NRXN3: variants seen among roughly 807,000 people sequenced by gnomAD.
NRXN3 encodes neurexin 3.
NRXN3 carries 32 observed loss-of-function variants against 137.6 expected under a neutral mutation model. The observed-to-expected ratio is 0.23, with a 90% CI of 0.18 to 0.31. The LOEUF (loss-of-function observed/expected upper bound fraction) is 0.31. Among genes scored for constraint, NRXN3 ranks in the 10% least tolerant of loss-of-function variants. The probability of loss-of-function intolerance (pLI) is 1.00; values close to 1 mark genes in which losing one functional copy is unlikely to be tolerated. For synonymous variants in NRXN3, 798 were observed against 784.5 expected (o/e 1.02, Z -0.29); for missense variants, 1,574 against 2,062.5 (o/e 0.76, Z 4.59).
At chr14:79,323,874 A>G (rs2090455454) in intron 15 of NRXN3, among the ~76,000 whole-genome samples, 1 of 152,196 alleles carries the variant, frequency 6.6e-6, no homozygotes, top group South Asian at 2.1e-4. Flanking sequence ...AAAAAATTAT[A>G]TAGTATAATT....
chr14:78,249,911 A>G (rs966666643), intron 2 of NRXN3, among the ~76,000 whole-genome samples: 1 of 152,162 alleles, frequency 6.6e-6, no homozygotes, highest in Non-Finnish European at 1.5e-5. Context: ...GGGCTTGTCT[A>G]CTTACATGTT....
At chr14:79,480,480 A>G (rs963373253) in intron 16 of NRXN3, among the ~76,000 whole-genome samples, 1 of 152,166 alleles carries the variant, frequency 6.6e-6, no homozygotes, top group Admixed American at 6.5e-5. Context: ...GAAGACAAAA[A>G]TCTCCCTGAG....
intron 4 of NRXN3, among the ~76,000 whole-genome samples, chr14:78,532,871 G>A (rs575936277): frequency 2.0e-5 from 3 of 151,442 alleles, no homozygotes; most frequent in Admixed American, 1.3e-4. Context: ...GCTATTCTTC[G>A]AGTATTTACC....
chr14:79,752,091 C>T (rs1020574607), intron 19 of NRXN3, among the ~76,000 whole-genome samples: 18 of 152,160 alleles, frequency 1.2e-4, no homozygotes, highest in South Asian at 6.2e-4. Context: ...CCTCATAAAA[C>T]GAGTTAGGGA....
intron 10 of NRXN3, among the ~76,000 whole-genome samples, chr14:78,845,099 T>A (rs1271057864): frequency 6.6e-6 from 1 of 152,084 alleles, no homozygotes; most frequent in Non-Finnish European, 1.5e-5. Context: ...ATTGGCTAAA[T>A]TAAAATATAA....
chr14:78,915,691 G>C (rs1233200208), intron 10 of NRXN3, among the ~76,000 whole-genome samples: 1 of 152,110 alleles, frequency 6.6e-6, no homozygotes, highest in Admixed American at 6.5e-5. Flanking sequence ...TGGATGATGG[G>C]GAGGGCCAGC....
intron 14 of NRXN3, among the ~76,000 whole-genome samples, chr14:78,971,261 T>C (rs1162258570): frequency 1.3e-5 from 2 of 152,048 alleles, no homozygotes; most frequent in Non-Finnish European, 2.9e-5. Context: ...CTTTGAGCAT[T>C]AGGTAGTATG....
chr14:78,461,258 G>T (rs2094913729), intron 4 of NRXN3, among the ~76,000 whole-genome samples: 2 of 152,168 alleles, frequency 1.3e-5, no homozygotes, highest in African/African-American at 4.8e-5. Context: ...AAAAGTACTA[G>T]AGAATTGCAT....
At chr14:78,967,966 A>G (rs1235570693) in intron 13 of NRXN3, among the ~76,000 whole-genome samples, 1 of 148,840 alleles carries the variant, frequency 6.7e-6, no homozygotes, top group African/African-American at 2.5e-5. Context: ...GAGATGGTAT[A>G]TATAAAATGA....
chr14:78,722,222 A>C (rs2098463455), intron 8 of NRXN3, among the ~76,000 whole-genome samples: 1 of 152,132 alleles, frequency 6.6e-6, no homozygotes, highest in South Asian at 2.1e-4. Context: ...CAACCTGAGA[A>C]TGTGAGGGTC....
intron 15 of NRXN3, among the ~76,000 whole-genome samples, chr14:79,147,888 A>G (rs890649482): frequency 6.6e-6 from 1 of 152,092 alleles, no homozygotes; most frequent in African/African-American, 2.4e-5. Flanking sequence ...TTTTCTCCTA[A>G]CTAGAAAGCT....
chr14:78,515,378 G>A (rs530100694), intron 4 of NRXN3, among the ~76,000 whole-genome samples: 3 of 152,150 alleles, frequency 2.0e-5, no homozygotes, highest in South Asian at 2.1e-4. Flanking sequence ...GAGTTAAAGC[G>A]TTAAGGTTTG....
chr14:78,396,466 A>AT (rs2091468994), intron 4 of NRXN3, among the ~76,000 whole-genome samples: 1 of 152,026 alleles, frequency 6.6e-6, no homozygotes, highest in Non-Finnish European at 1.5e-5. Flanking sequence ...TTAAAAAGTC[A>AT]TTTTCTTTGT....
At chr14:79,504,674 T>TATATATATAA (rs1464757508) in intron 16 of NRXN3, among the ~76,000 whole-genome samples, 9 of 143,454 alleles carry the variant, frequency 6.3e-5, no homozygotes, top group African/African-American at 1.6e-4. Flanking sequence ...TATATATATA[T>TATATATATAA]AAAACATTAC....
chr14:79,662,758 G>C (rs1244842365), intron 16 of NRXN3, among the ~76,000 whole-genome samples: 1 of 152,054 alleles, frequency 6.6e-6, no homozygotes, highest in African/African-American at 2.4e-5. Flanking sequence ...GAACAAGAGA[G>C]ACACAGGGAA....
At chr14:78,376,021 T>C (rs728125) in intron 4 of NRXN3, among the ~76,000 whole-genome samples, 132,223 of 147,996 alleles carry the variant, frequency 0.89, 58,308 homozygotes, top group Non-Finnish European at 0.91. Context: ...CACACACACA[T>C]ACACACACAC....
At chr14:78,454,371 C>T (rs995654763) in intron 4 of NRXN3, among the ~76,000 whole-genome samples, 36 of 152,008 alleles carry the variant, frequency 2.4e-4, no homozygotes, top group African/African-American at 7.2e-4. Flanking sequence ...GGGAACAAGG[C>T]TTTGGTATTT....
chr14:79,358,325 C>T (rs1194298360), intron 15 of NRXN3, among the ~76,000 whole-genome samples: 2 of 151,734 alleles, frequency 1.3e-5, no homozygotes, highest in Non-Finnish European at 2.9e-5. Context: ...CACTTCGGGA[C>T]TTTGGGAGGC....
At chr14:79,699,175 T>A (rs750677607) in intron 19 of NRXN3, among the ~76,000 whole-genome samples, 2 of 151,958 alleles carry the variant, frequency 1.3e-5, no homozygotes, top group Non-Finnish European at 2.9e-5. Context: ...CCTGCATACC[T>A]ACACACATGC....
Sources: gnomAD v4.1 joint callset for allele counts (sites outside exome capture counted in the v4.1 genomes callset) on GRCh38, gnomAD v4.1.1 for gene constraint, MANE v1.5 for transcripts, NCBI Gene and HGNC (gene_info 2026-07-23, HGNC 2026-07-21) for gene names.